Variants in IGLL5 observed in about 807,000 individuals in gnomAD.
The protein encoded by IGLL5 is immunoglobulin lambda-like polypeptide 5.
In IGLL5, 30 loss-of-function variants were observed where a neutral mutation model predicts 20.9. That is an observed-to-expected ratio of 1.44 (90% CI 1.07 to 1.95). The LOEUF (loss-of-function observed/expected upper bound fraction) is 1.95, where lower values mean the gene tolerates loss of function less well. IGLL5 is among the 30% of genes most tolerant of loss of function. The pLI, the probability that IGLL5 is intolerant of heterozygous loss-of-function variation, is 0.00. For synonymous variants in IGLL5, 203 were observed against 117.3 expected (o/e 1.73, Z -4.72); for missense variants, 475 against 270.7 (o/e 1.75, Z -5.30).
chr22:22,895,290 C>A lies in IGLL5; in HGVS notation c.326-85C>A, dbSNP rs2066738078. ...ACCGGATGGCCACACTGTGAACCCTCCCAGAGACTTTAGACAGAGAGAGGG... is the reference window on the plus strand; with the variant it reads ...ACCGGATGGCCACACTGTGAACCCTACCAGAGACTTTAGACAGAGAGAGGG... On this transcript the variant is annotated intron_variant, in intron 2 of 2. Transcript: ENST00000526893. The A allele has an allele frequency of 2.4e-5, 31 of 1,313,368 alleles. No homozygotes were observed. In the South Asian group the frequency reaches 3.4e-4, roughly 14 times the overall value. The allele number at this position is 1,313,368 out of a possible 1,614,324, so 81.4% of individuals were successfully genotyped here.
rs377386521 is a variant in IGLL5 at position 22,895,565 on chromosome 22, C to T, written c.516C>T (p.Asn172=). The stretch of plus-strand genomic sequence containing the variant: ...CCAAACCCTCCAAACAGAGCAACAA[C>T]AAGTACGCGGCCAGCAGCTACCTGA... ...ETTKPSKQSN[N]KYAASSYLSL... The change falls in exon 3 of 3, where the codon AAC becomes AAT. Residue 172 remains asparagine, a synonymous_variant. Transcript: ENST00000526893. The T allele has an allele frequency of 1.8e-5, 29 of 1,613,062 alleles. No homozygotes were observed. The highest frequency in any genetic ancestry group is 2.4e-5 in the Non-Finnish European group (28 of 1,179,768).
intron 2 of IGLL5, among the ~76,000 whole-genome samples, chr22:22,894,059 AG>A (rs2067975132): frequency 6.6e-6 from 1 of 151,436 alleles, no homozygotes; most frequent in Non-Finnish European, 1.5e-5. Context: ...GGGCAGGGTC[AG>A]GGCTCCTCCT....
At chr22:22,894,741 T>G (rs2066691345) in intron 2 of IGLL5, among the ~76,000 whole-genome samples, 3 of 150,908 alleles carry the variant, frequency 2.0e-5, no homozygotes, top group Admixed American at 6.6e-5. Flanking sequence ...AGGTGAAGGG[T>G]TCTGTGGTCG....
rs532718129 is a variant in IGLL5 at position 22,888,269 on chromosome 22, A to T, written c.206+10A>T. ...GGAGCCTGTGGGGCAGGTAAGGGGC[A>T]AGAGATTCCAGGGGATGTGGGGGTC... On this transcript the variant is annotated intron_variant, in intron 1 of 2. Coordinates refer to ENST00000526893, the MANE Select transcript of IGLL5 (RefSeq NM_001178126.2). 4.5e-6 allele frequency: 7 copies of T among 1,546,622 alleles called. No individual in the cohort carries two copies. Among genetic ancestry groups the T allele is most frequent in the African/African-American group, 4.1e-5 (3 of 72,782 alleles).
rs769434865 is a variant in IGLL5, at chr22:22,893,780, G to GCCC, written c.287_288insCCC (p.Cys96_Tyr97insPro). The GCCC allele has an allele frequency of 6.2e-7, 1 of 1,605,468 alleles. No homozygotes were observed. The highest frequency in any genetic ancestry group is 1.7e-5 in the Admixed American group (1 of 58,772). Reference sequence around the variant, plus strand: ...TTTTGGTCTGAGCCTCAGTCACTGTGTTATGTCTTCGGAACTGGGACCAAG... The same window carrying GCCC: ...TTTTGGTCTGAGCCTCAGTCACTGTGCCCTTATGTCTTCGGAACTGGGACCAAG... On this transcript the variant is annotated inframe_insertion, in exon 2 of 3. Transcript: ENST00000526893.
intron 2 of IGLL5, 125 bp downstream of exon 2, chr22:22,893,943 CCATGGG>C: frequency 1.3e-6 from 1 of 753,400 alleles, no homozygotes; most frequent in East Asian, 2.6e-5. Flanking sequence ...TTACCTTTCT[CCATGGG>C]GCCTGGAGGA....
chr22:22,888,517 G>C (rs573266114), intron 1 of IGLL5, among the ~76,000 whole-genome samples: 6 of 151,408 alleles, frequency 4.0e-5, no homozygotes, highest in South Asian at 2.1e-4. Flanking sequence ...ACCAGGGTCA[G>C]TGCCTCAATC....
At chr22:22,894,997 A>C (rs567186471) in intron 2 of IGLL5, among the ~76,000 whole-genome samples, 1 of 151,376 alleles carries the variant, frequency 6.6e-6, no homozygotes, top group African/African-American at 2.4e-5. Context: ...TGGAAGAATA[A>C]AGTGGGTGAT....
In IGLL5 at chr22:22,888,269, A is replaced by G. The variant is rs532718129; in HGVS notation, c.206+10A>G. Reference sequence around the variant, plus strand: ...GGAGCCTGTGGGGCAGGTAAGGGGCAAGAGATTCCAGGGGATGTGGGGGTC... The same window carrying G: ...GGAGCCTGTGGGGCAGGTAAGGGGCGAGAGATTCCAGGGGATGTGGGGGTC... On this transcript the variant is annotated intron_variant, in intron 1 of 2. Coordinates refer to ENST00000526893, the MANE Select transcript of IGLL5 (RefSeq NM_001178126.2). 6 of 1,546,620 alleles carry G rather than the reference A, an allele frequency of 3.9e-6. No homozygotes were observed. The highest frequency in any genetic ancestry group is 1.4e-5 in the African/African-American group (1 of 72,782).
chr22:22,895,393 C>T lies in IGLL5; in HGVS notation c.344C>T (p.Pro115Leu), dbSNP rs905047958. ...VTVLGQPKAN[P>L]TVTLFPPSSE... ...CACACAGGTCAGCCCAAGGCCAACC[C>T]CACTGTCACTCTGTTCCCGCCCTCC... is the stretch of plus-strand genomic sequence containing the variant. Residue 115 changes from proline to leucine, a missense_variant, in exon 3 of 3, where the codon CCC (proline) becomes CTC (leucine). Coordinates refer to ENST00000526893, the MANE Select transcript of IGLL5 (RefSeq NM_001178126.2). 1.1e-5 allele frequency: 18 copies of T among 1,612,804 alleles called. No homozygotes were observed. In the Admixed American group the frequency reaches 1.7e-4, roughly 15 times the overall value.
intron 1 of IGLL5, among the ~76,000 whole-genome samples, chr22:22,890,284 T>C (rs2146005821): frequency 6.7e-6 from 1 of 148,910 alleles, no homozygotes; most frequent in African/African-American, 2.5e-5. Context: ...CTTCCAGAAC[T>C]TTTCCTGTGT....
At chr22:22,888,406 T>C (rs184632175) in intron 1 of IGLL5, 147 bp downstream of exon 1, 28 of 646,814 alleles carry the variant, frequency 4.3e-5, no homozygotes, top group Admixed American at 2.1e-4. Flanking sequence ...AATGGGTTGA[T>C]ATTTTGTCCA....
At chr22:22,892,048 A>G (rs2067864613) in intron 1 of IGLL5, among the ~76,000 whole-genome samples, 1 of 151,260 alleles carries the variant, frequency 6.6e-6, no homozygotes, top group Admixed American at 6.6e-5. Flanking sequence ...AATATGCTGA[A>G]TAATAAAAGT....
intron 1 of IGLL5, among the ~76,000 whole-genome samples, chr22:22,890,193 T>A: frequency 6.7e-6 from 1 of 148,710 alleles, no homozygotes. Flanking sequence ...AGCAGAGAAG[T>A]ATATAAAGTA....
intron 1 of IGLL5, among the ~76,000 whole-genome samples, chr22:22,889,104 T>C (rs750922158): frequency 4.6e-5 from 7 of 151,148 alleles, no homozygotes; most frequent in Middle Eastern, 3.8e-3. Context: ...CAGATTTGTG[T>C]TTTTGGAAAA....
chr22:22,895,730 G>A lies in IGLL5; in HGVS notation c.*36G>A. ...CTAACCCCACCCACGGGAGCCTGGA[G>A]CTGCAGGATCCCAGGGGAGGGGTCT... On this transcript the variant is annotated 3_prime_UTR_variant, in exon 3 of 3. Coordinates refer to ENST00000526893, the MANE Select transcript of IGLL5 (RefSeq NM_001178126.2). 6.2e-7 allele frequency: 1 copy of A among 1,605,768 alleles called. No homozygotes were observed. The highest frequency in any genetic ancestry group is 8.5e-7 in the Non-Finnish European group (1 of 1,173,066).
Position 22,888,034 on chromosome 22 carries a change from GC to G in IGLL5, c.-16del. On this transcript the variant is annotated 5_prime_UTR_variant, in exon 1 of 3. An upstream open reading frame in the 5' UTR gains an earlier in-frame stop. Transcript: ENST00000526893. ...CCATGCTGCAAGTCGGGCCAGAGGT[GC>G]CCCTGAACCTGAAGGCCAATGAGAC... 6.5e-7 allele frequency: 1 copy of G among 1,545,550 alleles called. No homozygotes were observed. The highest frequency in any genetic ancestry group is 8.7e-7 in the Non-Finnish European group (1 of 1,143,194).
At position 22,887,844 on chromosome 22, in the gene IGLL5, C is replaced by G; in HGVS notation, c.-210C>G. On this transcript the variant is annotated 5_prime_UTR_variant, in exon 1 of 3. Coordinates refer to ENST00000526893, the MANE Select transcript of IGLL5 (RefSeq NM_001178126.2). ...ACCGCTTCAGGGCAGTTGGTAGATG[C>G]CCCTCTGGGAGAGATCCCCAGGGGT... The G allele has an allele frequency of 1.6e-6, 1 of 607,630 alleles. No individual in the cohort carries two copies. Among genetic ancestry groups the G allele is most frequent in the Non-Finnish European group, 3.0e-6 (1 of 338,954 alleles). 37.6% of individuals were successfully genotyped at this position (607,630 alleles called of 1,614,324 possible).
At position 22,895,355 on chromosome 22, in the gene IGLL5, C is replaced by T. The variant is rs1298831945; in HGVS notation, c.326-20C>T. 4 of 1,608,434 alleles carry T rather than the reference C, an allele frequency of 2.5e-6. No individual in the cohort carries two copies. The South Asian group carries it at 3.3e-5, about 13-fold the overall frequency. ...CGGTATTCTGTCTGCCCTCTCTCAC[C>T]CCCTTCCCTGTCCACACAGGTCAGC... is the stretch of plus-strand genomic sequence containing the variant. On this transcript the variant is annotated intron_variant, in intron 2 of 2. Coordinates refer to ENST00000526893, the MANE Select transcript of IGLL5 (RefSeq NM_001178126.2).
Sources: allele counts gnomAD v4.1 joint callset (sites outside exome capture counted in the v4.1 genomes callset), GRCh38; gene constraint gnomAD v4.1.1; transcripts MANE v1.5; gene names NCBI Gene and HGNC (gene_info 2026-07-23, HGNC 2026-07-21).